The following TRIP12 variants were observed in gnomAD, a reference collection of about 807,000 sequenced individuals.
The protein encoded by TRIP12 is E3 ubiquitin-protein ligase TRIP12.
Under a neutral mutation model 244.2 loss-of-function variants are expected in TRIP12, and 25 were observed. The observed-to-expected ratio is 0.10, with a 90% CI of 0.07 to 0.14. The LOEUF is 0.14. Ranked by LOEUF, TRIP12 falls within the 10% of genes least tolerant of loss-of-function variation. The probability of loss-of-function intolerance (pLI) is 1.00; values close to 1 mark genes in which losing one functional copy is unlikely to be tolerated. For missense variants in TRIP12, 1,677 were observed against 2,486.4 expected (o/e 0.67, Z 6.92); for synonymous variants, 905 against 873.1 (o/e 1.04, Z -0.64).
chr2:229,844,969 A>T (rs1367207341), intron 4 of TRIP12, among the ~76,000 whole-genome samples: 4 of 152,338 alleles, frequency 2.6e-5, no homozygotes, highest in Admixed American at 2.6e-4. Flanking sequence ...CTACTATTAC[A>T]CAAGAGGGTC....
intron 8 of TRIP12, among the ~76,000 whole-genome samples, chr2:229,822,696 T>G (rs1225900073): frequency 1.3e-5 from 2 of 152,072 alleles, no homozygotes; most frequent in Non-Finnish European, 2.9e-5. Context: ...TTACTAGACT[T>G]ATAAAGAGGC....
chr2:229,822,157 C>T (rs2050239814), intron 8 of TRIP12, among the ~76,000 whole-genome samples: 1 of 151,832 alleles, frequency 6.6e-6, no homozygotes, highest in African/African-American at 2.4e-5. Flanking sequence ...AACAAACAAA[C>T]AAACAAAAAA....
intron 1 of TRIP12, among the ~76,000 whole-genome samples, chr2:229,904,163 G>T (rs986087989): frequency 2.6e-5 from 4 of 152,220 alleles, no homozygotes; most frequent in African/African-American, 9.6e-5. Context: ...GATTACACCT[G>T]TAATCCCAGC....
intron 1 of TRIP12, among the ~76,000 whole-genome samples, chr2:229,885,847 G>C (rs1350964214): frequency 6.6e-6 from 1 of 151,838 alleles, no homozygotes; most frequent in Non-Finnish European, 1.5e-5. Flanking sequence ...TCTGCTGCTT[G>C]GTAAGACCTA....
intron 1 of TRIP12, among the ~76,000 whole-genome samples, chr2:229,882,755 G>A (rs945558529): frequency 4.3e-4 from 66 of 152,198 alleles, no homozygotes; most frequent in Non-Finnish European, 7.6e-4. Context: ...ATGTCATGGA[G>A]TGTTAAGTCA....
At chr2:229,888,438 T>C (rs546938211) in intron 1 of TRIP12, among the ~76,000 whole-genome samples, 67 of 151,604 alleles carry the variant, frequency 4.4e-4, no homozygotes, top group African/African-American at 1.6e-3. Context: ...AATGCTAAAA[T>C]CTAAGGAAAA....
At position 229,796,593 on chromosome 2, in the gene TRIP12, G is replaced by C. The variant is rs2042880009; in HGVS notation, c.3814C>G (p.Pro1272Ala). Residue 1272 changes from proline (P) to alanine (A), a missense_variant and splice_region_variant, in exon 25 of 42, where the codon CCA becomes GCA. By Grantham distance (27) the Pro-to-Ala change is conservative. Transcript: ENST00000675903. ...ACAGGCATTATTAGATAACTTACTG[G>C]AGAAGAAAAAAATACATGAAGAAAT... ...KRFLHVFFSS[P>A]LPGEEPIGRV... The C allele has an allele frequency of 6.3e-7, 1 of 1,583,878 alleles. No homozygotes were observed.
intron 4 of TRIP12, among the ~76,000 whole-genome samples, chr2:229,842,899 A>T (rs959688691): frequency 3.3e-5 from 5 of 152,316 alleles, no homozygotes; most frequent in African/African-American, 7.2e-5. Context: ...TATAACTTAA[A>T]TGTGATAATA....
chr2:229,912,453 C>T (rs906310130), intron 1 of TRIP12, among the ~76,000 whole-genome samples: 5 of 152,188 alleles, frequency 3.3e-5, no homozygotes, highest in African/African-American at 1.2e-4. Flanking sequence ...TAATCTCAGC[C>T]CAATTTCCTG....
chr2:229,897,869 TA>T (rs1197136480), intron 1 of TRIP12, among the ~76,000 whole-genome samples: 2 of 152,168 alleles, frequency 1.3e-5, no homozygotes, highest in Non-Finnish European at 2.9e-5. Flanking sequence ...TGCTGCAACA[TA>T]ATACCTAACA....
intron 4 of TRIP12, among the ~76,000 whole-genome samples, chr2:229,851,031 TC>T (rs1157347540): frequency 6.6e-6 from 1 of 152,062 alleles, no homozygotes; most frequent in African/African-American, 2.4e-5. Flanking sequence ...AGCCCAAGCC[TC>T]CCCGACGAGC....
chr2:229,888,524 T>A (rs1036644942), intron 1 of TRIP12, among the ~76,000 whole-genome samples: 1 of 151,754 alleles, frequency 6.6e-6, no homozygotes, highest in Non-Finnish European at 1.5e-5. Context: ...AGGATAGTGG[T>A]GTTGGCAGAC....
intron 34 of TRIP12, among the ~76,000 whole-genome samples, chr2:229,783,660 G>T (rs1234173755): frequency 1.3e-5 from 2 of 152,112 alleles, no homozygotes; most frequent in African/African-American, 4.8e-5. Flanking sequence ...TGGATCAGAA[G>T]ACACAATGCT....
chr2:229,843,761 C>A (rs2057009392), intron 4 of TRIP12, among the ~76,000 whole-genome samples: 1 of 152,054 alleles, frequency 6.6e-6, no homozygotes, highest in South Asian at 2.1e-4. Context: ...CATGGTGATG[C>A]ATGTCTATAG....
chr2:229,818,569 A>G, intron 8 of TRIP12, 57 bp from the exon 9 acceptor site: 3 of 1,505,558 alleles, frequency 2.0e-6, no homozygotes, highest in South Asian at 1.2e-5. Context: ...ATTACTAGGT[A>G]TAAGGTGTGA....
At chr2:229,884,124 A>G (rs2065456277) in intron 1 of TRIP12, among the ~76,000 whole-genome samples, 1 of 151,286 alleles carries the variant, frequency 6.6e-6, no homozygotes, top group Admixed American at 6.6e-5. Context: ...AAACCCAAAA[A>G]CCTGTATGTT....
chr2:229,840,889 G>C lies in TRIP12; in HGVS notation c.1066C>G (p.Pro356Ala). The C allele has an allele frequency of 6.2e-7, 1 of 1,610,732 alleles. No homozygotes were observed. The highest frequency in any genetic ancestry group is 1.1e-5 in the South Asian group (1 of 90,176). Residue 356 changes from proline to alanine, a missense_variant, in exon 5 of 42, where the codon CCT becomes GCT. By Grantham distance (27) the Pro-to-Ala change is conservative (BLOSUM62 -1). Coordinates refer to ENST00000675903, the MANE Select transcript of TRIP12 (RefSeq NM_001348323.3). ...CGCCTCAAACTGGGGAGCTCAGCAG[G>C]TGGAGACTCACTGCGTTTCTTCGTA... ...KSTKKRSESP[P>A]AELPSLRRST...
At position 229,778,389 on chromosome 2, in the gene TRIP12, C is replaced by T. The variant is rs367721792; in HGVS notation, c.5364+44G>A. On this transcript the variant is annotated intron_variant, in intron 36 of 41. Transcript: ENST00000675903. This position sits in a 1 kb window ranked among gnomAD's most constrained non-coding sequence, Gnocchi z 4.1. The stretch of plus-strand genomic sequence containing the variant: ...AGGGGACTGAGGTACTTGCACAGAA[C>T]ATTCTACACCAAAACTGCAAAAAGC... 8.7e-6 allele frequency: 14 copies of T among 1,610,582 alleles called. No homozygotes were observed. The highest frequency in any genetic ancestry group is 1.2e-5 in the Non-Finnish European group (14 of 1,177,698).
upstream of TRIP12, chr2:229,922,367 C>T: frequency 4.0e-6 from 3 of 757,094 alleles, no homozygotes; most frequent in Non-Finnish European, 6.6e-6. Flanking sequence ...CCCTAAGACC[C>T]TTGGAAGAGG....
Sources: allele counts gnomAD v4.1 joint callset (sites outside exome capture counted in the v4.1 genomes callset), GRCh38; gene constraint gnomAD v4.1.1; non-coding constraint Gnocchi (gnomAD v3.1); transcripts MANE v1.5; gene names NCBI Gene and HGNC (gene_info 2026-07-23, HGNC 2026-07-21).